The following FOXP2 variants were observed in gnomAD, a reference collection of about 807,000 sequenced individuals.
FOXP2 encodes the protein forkhead box protein P2.
FOXP2 carries 12 observed loss-of-function variants against 115.8 expected under a neutral mutation model. The ratio of observed to expected loss-of-function variants is 0.10; its 90% CI spans 0.07 to 0.17. The LOEUF is 0.17. Ranked by LOEUF, FOXP2 falls within the 10% of genes least tolerant of loss-of-function variation. The pLI is 1.00. For synonymous variants in FOXP2, 328 were observed against 297.7 expected (o/e 1.10, Z -1.05); for missense variants, 629 against 843.5 (o/e 0.75, Z 3.15).
intron 3 of FOXP2, among the ~76,000 whole-genome samples, chr7:114,545,223 C>A (rs1032756209): frequency 6.6e-6 from 1 of 152,060 alleles, no homozygotes; most frequent in Non-Finnish European, 1.5e-5. Flanking sequence ...GTTTTCCAAC[C>A]CTTGCAATGA....
intron 1 of FOXP2, among the ~76,000 whole-genome samples, chr7:114,095,075 T>C (rs182197241): frequency 2.0e-5 from 3 of 152,270 alleles, no homozygotes; most frequent in Non-Finnish European, 4.4e-5. Flanking sequence ...AGATGAATAG[T>C]TGTGAAAAGT....
chr7:114,623,061 A>T (rs1804340466), intron 3 of FOXP2, among the ~76,000 whole-genome samples: 1 of 151,972 alleles, frequency 6.6e-6, no homozygotes, highest in South Asian at 2.1e-4. Context: ...ATTATTGATT[A>T]TATTCTAGAT....
chr7:114,385,702 G>A (rs1293820173), intron 2 of FOXP2, among the ~76,000 whole-genome samples: 4 of 152,198 alleles, frequency 2.6e-5, no homozygotes, highest in Non-Finnish European at 5.9e-5. Context: ...TTCTAAGGAA[G>A]AATAGAACAG....
Position 114,691,532 on chromosome 7 carries a change from C to G in FOXP2, c.*1606C>G, listed in dbSNP as rs1203879665. On this transcript the variant is annotated 3_prime_UTR_variant, in exon 17 of 17. Transcript: ENST00000350908. The stretch of plus-strand genomic sequence containing the variant: ...GGAATGCTGGTTTTCTTGACAATTC[C>G]AAACCCCAAAACTATGATAATGAGT... 1 of 453,916 alleles carries G rather than the reference C, an allele frequency of 2.2e-6. No homozygotes were observed. The highest frequency in any genetic ancestry group is 6.9e-5 in the East Asian group (1 of 14,392). The allele number at this position is 453,916 out of a possible 1,614,324, so 28.1% of individuals were successfully genotyped here.
intron 1 of FOXP2, among the ~76,000 whole-genome samples, chr7:114,282,388 T>C (rs548223208): frequency 3.9e-4 from 59 of 152,320 alleles, no homozygotes; most frequent in Non-Finnish European, 6.6e-4. Context: ...CAAAATATAA[T>C]TGATTTTGCT....
At chr7:114,567,680 C>T (rs1246395174) in intron 3 of FOXP2, among the ~76,000 whole-genome samples, 5 of 151,990 alleles carry the variant, frequency 3.3e-5, no homozygotes, top group Non-Finnish European at 2.9e-5. Context: ...GTCAGGTTGC[C>T]TCCCGGAGAT....
chr7:114,604,671 T>A lies in FOXP2; in HGVS notation c.259-23869T>A, dbSNP rs148880491. On this transcript the variant is annotated intron_variant, in intron 3 of 16. Transcript: ENST00000350908. ...TTGCCTAGGTCAGTCCTGATTTACATCTGCCTCATCTGGTAATTATTTATA... is the reference window on the plus strand; with the variant it reads ...TTGCCTAGGTCAGTCCTGATTTACAACTGCCTCATCTGGTAATTATTTATA... Among the ~76,000 whole-genome samples the A allele has an allele frequency of 2.5e-4, 38 of 152,314 alleles. 2 individuals are homozygous for A. The highest frequency in any genetic ancestry group is 2.4e-3 in the Admixed American group (36 of 15,294).
Position 114,155,146 on chromosome 7 carries a change from G to A in FOXP2, c.-246-7798G>A, listed in dbSNP as rs938026324. 2.6e-5 allele frequency among the ~76,000 whole-genome samples: 4 copies of A among 152,004 alleles called. No homozygotes were observed. In the East Asian group the frequency reaches 7.7e-4, roughly 29 times the overall value. ...TACTTGGATGACCCTATATATGTTG[G>A]GTATTGTAAACCAAAAATAAAATTA... On this transcript the variant is annotated intron_variant, in intron 1 of 19. Coordinates refer to the FOXP2 transcript ENST00000635638.
upstream of FOXP2, among the ~76,000 whole-genome samples, chr7:114,410,846 G>C (rs1010052946): frequency 6.6e-6 from 1 of 150,836 alleles, no homozygotes; most frequent in South Asian, 2.1e-4. Flanking sequence ...GTAGGCAGTA[G>C]AAAATAGTAG....
At chr7:114,361,787 C>T (rs1349292711) in intron 2 of FOXP2, among the ~76,000 whole-genome samples, 2 of 152,078 alleles carry the variant, frequency 1.3e-5, no homozygotes, top group Non-Finnish European at 2.9e-5. Context: ...TAAAAGCCCA[C>T]TCCAAAAAAG....
chr7:114,595,742 T>A (rs948488381), intron 3 of FOXP2, among the ~76,000 whole-genome samples: 1 of 151,840 alleles, frequency 6.6e-6, no homozygotes, highest in East Asian at 1.9e-4. Flanking sequence ...GGTGTAAGGA[T>A]CAACAACCTA....
chr7:114,684,785 C>G (rs1808273699), intron 16 of FOXP2, among the ~76,000 whole-genome samples: 1 of 152,090 alleles, frequency 6.6e-6, no homozygotes, highest in Non-Finnish European at 1.5e-5. Flanking sequence ...TATGAACTTT[C>G]ACAAGTAATC....
At chr7:114,119,662 G>T (rs1443065799) in intron 1 of FOXP2, among the ~76,000 whole-genome samples, 2 of 152,132 alleles carry the variant, frequency 1.3e-5, no homozygotes, top group Non-Finnish European at 2.9e-5. Flanking sequence ...AATGAGCCAT[G>T]ATTGCACCAC....
At chr7:114,161,859 T>C (rs545579051), upstream of FOXP2, among the ~76,000 whole-genome samples, 2 of 152,254 alleles carry the variant, frequency 1.3e-5, no homozygotes, top group East Asian at 3.9e-4. Context: ...CTTGGCTCAC[T>C]ACAGCCTTTG....
chr7:114,645,171 TA>T (rs1805816148), intron 8 of FOXP2: 4 of 132,392 alleles, frequency 3.0e-5, no homozygotes, highest in African/African-American at 8.6e-5. Context: ...TATATATATA[TA>T]TATATATTTC....
chr7:114,625,647 A>T (rs1038664050), intron 3 of FOXP2, among the ~76,000 whole-genome samples: 1 of 151,836 alleles, frequency 6.6e-6, no homozygotes, highest in Non-Finnish European at 1.5e-5. Flanking sequence ...GGAGGAGAAG[A>T]GGAAATGTGT....
At chr7:114,314,491 C>A (rs1266067527) in intron 2 of FOXP2, among the ~76,000 whole-genome samples, 1 of 151,998 alleles carries the variant, frequency 6.6e-6, no homozygotes, top group Admixed American at 6.6e-5. Flanking sequence ...CTCCACTGAG[C>A]AATTTTCACA....
chr7:114,523,544 G>A (rs1012634337), intron 2 of FOXP2, among the ~76,000 whole-genome samples: 6 of 152,076 alleles, frequency 3.9e-5, no homozygotes, highest in African/African-American at 1.4e-4. Flanking sequence ...TGGGGTTTCT[G>A]GCTACTGATC....
chr7:114,124,631 A>T (rs936859579), intron 1 of FOXP2, among the ~76,000 whole-genome samples: 64 of 152,210 alleles, frequency 4.2e-4, no homozygotes, highest in African/African-American at 1.5e-3. Context: ...AGTGTGGTAC[A>T]TTTAAGAGGC....
Sources: allele counts gnomAD v4.1 joint callset (sites outside exome capture counted in the v4.1 genomes callset), GRCh38; gene constraint gnomAD v4.1.1; transcripts MANE v1.5; gene names NCBI Gene and HGNC (gene_info 2026-07-23, HGNC 2026-07-21).